The following ESRRG variants were observed in gnomAD, a reference collection of about 807,000 sequenced individuals.
The protein encoded by ESRRG is estrogen-related receptor gamma.
Under a neutral mutation model 44.0 loss-of-function variants are expected in ESRRG, and 13 were observed. The ratio of observed to expected loss-of-function variants is 0.30; its 90% confidence interval spans 0.19 to 0.47. The LOEUF is 0.47. Among genes scored for constraint, ESRRG ranks in the 20% least tolerant of loss-of-function variants. The pLI, the probability that ESRRG is intolerant of heterozygous loss-of-function variation, is 1.00. For missense variants in ESRRG, 395 were observed against 580.6 expected, an observed-to-expected ratio of 0.68 and a Z score of 3.29; for synonymous variants, 215 against 214.6, an observed-to-expected ratio of 1.00 and a Z score of -0.02.
intron 1 of ESRRG, among the ~76,000 whole-genome samples, chr1:217,130,967 C>A (rs1022200349): frequency 6.6e-6 from 1 of 151,798 alleles, no homozygotes; most frequent in Non-Finnish European, 1.5e-5. Flanking sequence ...TACTATATTG[C>A]CACGAATTTA....
intron 1 of ESRRG, among the ~76,000 whole-genome samples, chr1:217,067,205 G>A (rs1316082912): frequency 2.0e-5 from 3 of 152,152 alleles, no homozygotes; most frequent in Non-Finnish European, 4.4e-5. Flanking sequence ...TACCTTTACT[G>A]TGTACTGTGT....
chr1:217,004,021 G>C (rs2077407392), intron 1 of ESRRG, among the ~76,000 whole-genome samples: 1 of 151,986 alleles, frequency 6.6e-6, no homozygotes, highest in Admixed American at 6.5e-5. Context: ...ATAACATACT[G>C]TCTTATGGGG....
chr1:216,516,402 C>T (rs149645839), intron 6 of ESRRG, among the ~76,000 whole-genome samples: 300 of 151,880 alleles, frequency 2.0e-3, no homozygotes, highest in African/African-American at 7.1e-3. Flanking sequence ...AATATGAAAG[C>T]CATCATTAGG....
intron 1 of ESRRG, among the ~76,000 whole-genome samples, chr1:216,690,808 A>G (rs759638854): frequency 2.6e-5 from 4 of 152,144 alleles, no homozygotes; most frequent in Admixed American, 2.0e-4. Flanking sequence ...TCCCAGAATT[A>G]CAGGCAAAGC....
chr1:217,015,609 C>T (rs1028316483), intron 1 of ESRRG, among the ~76,000 whole-genome samples: 2 of 151,944 alleles, frequency 1.3e-5, no homozygotes, highest in Non-Finnish European at 2.9e-5. Flanking sequence ...TTCTCACCTC[C>T]TGAAAATACC....
At chr1:216,672,697 G>A (rs373296816) in intron 2 of ESRRG, among the ~76,000 whole-genome samples, 122 of 152,020 alleles carry the variant, frequency 8.0e-4, no homozygotes, top group Admixed American at 4.0e-3. Context: ...GGGAGATCCC[G>A]TCTCTACAAA....
In ESRRG at chr1:216,821,697, TA is replaced by T. The variant is rs1330755000; in HGVS notation, c.-14+117884del. ...AAGAACCTGCCTCAGGAAAAATAAATAAATAAATAAATAAATAAATAAATAA... is the reference window on the plus strand; with the variant it reads ...AAGAACCTGCCTCAGGAAAAATAAATAATAAATAAATAAATAAATAAATAA... On this transcript the variant is annotated intron_variant, in intron 2 of 7. Transcript: ENST00000359162. Among the ~76,000 whole-genome samples the T allele has an allele frequency of 5.2e-4, 35 of 67,284 alleles. 2 individuals are homozygous for T. The highest frequency in any genetic ancestry group is 0.017 in the Middle Eastern group (2 of 116). The allele number at this position is 67,284 out of a possible 152,430, so 44.1% of individuals were successfully genotyped here. A position where few individuals can be genotyped will look rare whatever the true frequency, so the allele number is the denominator to read the frequency against.
chr1:216,576,337 C>CTT lies in ESRRG; in HGVS notation c.590-8241_590-8240dup, dbSNP rs35207125. On this transcript the variant is annotated intron_variant, in intron 3 of 6. Coordinates refer to ENST00000408911, the MANE Select transcript of ESRRG (RefSeq NM_001438.4). ...AGAAAATGCATATCCATTAGGAGGG[C>CTT]TTTTTTTTTTTTTTAAACAGAGTCC... 7.0e-3 allele frequency among the ~76,000 whole-genome samples: 1,020 copies of CTT among 145,726 alleles called. 3 individuals are homozygous for CTT. The highest frequency in any genetic ancestry group is 8.1e-3 in the African/African-American group (321 of 39,512).
At chr1:216,808,635 G>A (rs1364616907) in intron 2 of ESRRG, among the ~76,000 whole-genome samples, 1 of 151,962 alleles carries the variant, frequency 6.6e-6, no homozygotes, top group Non-Finnish European at 1.5e-5. Context: ...TGTTGCCCAG[G>A]CTAGTCTTGA....
rs74141711 is a variant in ESRRG, at chr1:216,966,351, G to A, written c.-105-26678C>T. 1.6e-4 allele frequency among the ~76,000 whole-genome samples: 24 copies of A among 152,276 alleles called. No homozygotes were observed. In the South Asian group the frequency reaches 2.5e-3, roughly 16 times the overall value. On this transcript the variant is annotated intron_variant, in intron 1 of 7. Coordinates refer to the ESRRG transcript ENST00000359162. ...AGATGGTTGTTCAGGCTGTCTATAC[G>A]TATGAATTCTGATACTAGGAGCAAA...
chr1:216,688,371 T>C (rs1211037941), intron 1 of ESRRG, among the ~76,000 whole-genome samples: 1 of 152,200 alleles, frequency 6.6e-6, no homozygotes, highest in Non-Finnish European at 1.5e-5. Context: ...GGCAAGCTGC[T>C]GTCGCTTCCA....
At chr1:216,884,402 A>C (rs897856771) in intron 2 of ESRRG, among the ~76,000 whole-genome samples, 2 of 152,246 alleles carry the variant, frequency 1.3e-5, no homozygotes, top group Non-Finnish European at 2.9e-5. Context: ...ACTATGTTCA[A>C]GGCATTGTGC....
chr1:217,097,843 T>TAGA (rs1553284395), intron 1 of ESRRG, among the ~76,000 whole-genome samples: 3 of 139,050 alleles, frequency 2.2e-5, no homozygotes, highest in Middle Eastern at 3.5e-3. Flanking sequence ...CCAGGCTGCT[T>TAGA]AAAAAAAAAA....
At chr1:216,750,392 T>C (rs1390952767) in intron 2 of ESRRG, among the ~76,000 whole-genome samples, 2 of 152,168 alleles carry the variant, frequency 1.3e-5, no homozygotes, top group African/African-American at 4.8e-5. Context: ...ATATTCTATG[T>C]CCAGTTTTCA....
intron 2 of ESRRG, among the ~76,000 whole-genome samples, chr1:216,733,760 G>T (rs1012162804): frequency 6.6e-6 from 1 of 152,010 alleles, no homozygotes; most frequent in Non-Finnish European, 1.5e-5. Flanking sequence ...GGAGCCTGAG[G>T]GGGGCGGATC....
intron 1 of ESRRG, among the ~76,000 whole-genome samples, chr1:216,697,729 GA>G (rs2080467451): frequency 6.6e-6 from 1 of 152,182 alleles, no homozygotes; most frequent in Non-Finnish European, 1.5e-5. Context: ...ATTCCATGTG[GA>G]TAACAATTAA....
intron 1 of ESRRG, among the ~76,000 whole-genome samples, chr1:217,032,838 ATG>A (rs1345033175): frequency 6.6e-6 from 1 of 152,188 alleles, no homozygotes; most frequent in Non-Finnish European, 1.5e-5. Flanking sequence ...CACACTCTCT[ATG>A]TTTCATCAGG....
At chr1:216,545,234 T>G (rs2054141626) in intron 5 of ESRRG, among the ~76,000 whole-genome samples, 1 of 151,260 alleles carries the variant, frequency 6.6e-6, no homozygotes, top group African/African-American at 2.4e-5. Context: ...TTTTATGTTT[T>G]TTTTTTTTTT....
chr1:216,816,755 G>A (rs2095151070), intron 2 of ESRRG, among the ~76,000 whole-genome samples: 1 of 152,200 alleles, frequency 6.6e-6, no homozygotes, highest in Non-Finnish European at 1.5e-5. Flanking sequence ...TCATACATAC[G>A]ACTTTTAAGA....
Sources: allele counts gnomAD v4.1 joint callset (sites outside exome capture counted in the v4.1 genomes callset), GRCh38; gene constraint gnomAD v4.1.1; transcripts MANE v1.5; gene names NCBI Gene and HGNC (gene_info 2026-07-23, HGNC 2026-07-21).